The following MAML2 variants were observed in gnomAD, a reference collection of about 807,000 sequenced individuals.
MAML2 encodes mastermind like transcriptional coactivator 2, also known as mastermind-like protein 2.
In MAML2, 22 loss-of-function variants were observed where a neutral mutation model predicts 96.1. That is an observed-to-expected ratio of 0.23 (90% CI 0.16 to 0.33). The LOEUF (loss-of-function observed/expected upper bound fraction) is 0.33, where lower values mean the gene tolerates loss of function less well. Among genes scored for constraint, MAML2 ranks in the 10% least tolerant of loss-of-function variants. The pLI is 1.00. For synonymous variants in MAML2, 561 were observed against 521.3 expected, an observed-to-expected ratio of 1.08 and a Z score of -1.04; for missense variants, 1,367 against 1,392.4, an observed-to-expected ratio of 0.98 and a Z score of 0.29.
Position 96,091,947 on chromosome 11 carries a change from A to G in MAML2, c.2084T>C (p.Met695Thr). 1 of 1,612,640 alleles carries G rather than the reference A, an allele frequency of 6.2e-7. No individual in the cohort carries two copies. The highest frequency in any genetic ancestry group is 8.5e-7 in the Non-Finnish European group (1 of 1,179,410). The change falls in exon 2 of 5, where the codon ATG (methionine) becomes ACG (threonine). Residue 695 changes from methionine to threonine, a missense_variant. Met to Thr is a moderately conservative substitution (Grantham distance 81). Transcript: ENST00000524717. Reference protein sequence around the residue: ...PLQQKLLLQQMQNQPIAGMGY... With the variant: ...PLQQKLLLQQTQNQPIAGMGY... ...CATTCCTGCAATGGGCTGATTCTGC[A>G]TTTGCTGAAGTAGGAGCTTTTGCTG...
chr11:96,092,660 C>CTGG lies in MAML2; in HGVS notation c.1368_1370dup (p.His456dup), dbSNP rs762665099. Reference sequence around the variant, plus strand: ...AGGGCAAGGCTGACCAGTTGGTAGGCTGGTGCTGCTGCTGGTGCTGCTGCA... The same window carrying CTGG: ...AGGGCAAGGCTGACCAGTTGGTAGGCTGGTGGTGCTGCTGCTGGTGCTGCTGCA... On this transcript the variant is annotated inframe_insertion, in exon 2 of 5. Transcript: ENST00000524717. The surrounding 1 kb of genome is among the most constrained non-coding windows in gnomAD (Gnocchi z 4.1). The CTGG allele has an allele frequency of 1.9e-6, 3 of 1,613,160 alleles. No homozygotes were observed. The East Asian group carries it at 6.7e-5, about 36-fold the overall frequency.
chr11:96,313,531 A>G (rs534862801), intron 1 of MAML2, among the ~76,000 whole-genome samples: 3 of 152,038 alleles, frequency 2.0e-5, no homozygotes, highest in African/African-American at 7.2e-5. Context: ...AGCCTCCCCA[A>G]AATTGCCCCA....
chr11:96,014,546 C>T (rs1858314129), intron 2 of MAML2, among the ~76,000 whole-genome samples: 1 of 152,352 alleles, frequency 6.6e-6, no homozygotes, highest in Non-Finnish European at 1.5e-5. Flanking sequence ...TCTCAAACTA[C>T]ATTCTTACAA....
At chr11:96,135,346 A>G (rs576463016) in intron 1 of MAML2, among the ~76,000 whole-genome samples, 1 of 152,300 alleles carries the variant, frequency 6.6e-6, no homozygotes, top group East Asian at 1.9e-4. Flanking sequence ...ACCCAGTCTC[A>G]GGTATTCTGT....
chr11:96,267,834 T>G (rs1862852015), intron 1 of MAML2, among the ~76,000 whole-genome samples: 1 of 152,224 alleles, frequency 6.6e-6, no homozygotes, highest in South Asian at 2.1e-4. Context: ...GGAAGCTGAA[T>G]CTGAATCTGG....
chr11:96,158,642 C>T (rs551301455), intron 1 of MAML2, among the ~76,000 whole-genome samples: 13 of 152,286 alleles, frequency 8.5e-5, no homozygotes, highest in Admixed American at 6.5e-4. Flanking sequence ...GAGCTGTCAC[C>T]AGGTTCTAGA....
rs527334543 is a variant in MAML2, at chr11:96,112,089, T to C, written c.514-18572A>G. Among the ~76,000 whole-genome samples the C allele has an allele frequency of 4.6e-5, 7 of 152,256 alleles. No homozygotes were observed. In the South Asian group the frequency reaches 6.2e-4, roughly 14 times the overall value. On this transcript the variant is annotated intron_variant, in intron 1 of 4. Coordinates refer to ENST00000524717, the MANE Select transcript of MAML2 (RefSeq NM_032427.4). The stretch of plus-strand genomic sequence containing the variant: ...AGAGAGAAACATCAGTATATCAAGA[T>C]TGTCAAAGATTAAATGGTGAAAATA...
intron 1 of MAML2, among the ~76,000 whole-genome samples, chr11:96,213,997 G>T (rs539554713): frequency 2.2e-4 from 34 of 152,232 alleles, no homozygotes; most frequent in Non-Finnish European, 4.0e-4. Flanking sequence ...GGACACAAAT[G>T]CCCAACTACA....
At chr11:96,185,025 C>T (rs1018715404) in intron 1 of MAML2, among the ~76,000 whole-genome samples, 3 of 152,224 alleles carry the variant, frequency 2.0e-5, no homozygotes, top group African/African-American at 4.8e-5. Flanking sequence ...GTTCCTTCCT[C>T]ATACTGTTTA....
chr11:96,070,247 G>A (rs1473869531), intron 2 of MAML2, among the ~76,000 whole-genome samples: 5 of 152,126 alleles, frequency 3.3e-5, no homozygotes, highest in East Asian at 3.9e-4. Flanking sequence ...CTGAGATGGC[G>A]CCACTGCACT....
At chr11:96,031,979 C>G (rs1336149432) in intron 2 of MAML2, among the ~76,000 whole-genome samples, 1 of 151,880 alleles carries the variant, frequency 6.6e-6, no homozygotes, top group Admixed American at 6.6e-5. Context: ...GAGCGAGACT[C>G]TGTCTAAAAA....
intron 2 of MAML2, among the ~76,000 whole-genome samples, chr11:96,035,281 C>T (rs627313): frequency 0.48 from 73,101 of 151,974 alleles, 18,368 homozygotes; most frequent in African/African-American, 0.63. Flanking sequence ...GAAAGCTATG[C>T]GAAGCCAACC....
At chr11:96,074,211 G>T (rs80066138) in intron 2 of MAML2, among the ~76,000 whole-genome samples, 1 of 152,190 alleles carries the variant, frequency 6.6e-6, no homozygotes, top group African/African-American at 2.4e-5. Context: ...GGGAAACTGA[G>T]GCAGAGTGGC....
At chr11:96,247,751 C>G (rs1027328882) in intron 1 of MAML2, among the ~76,000 whole-genome samples, 1 of 152,066 alleles carries the variant, frequency 6.6e-6, no homozygotes, top group Non-Finnish European at 1.5e-5. Flanking sequence ...TACTTCACAC[C>G]TTTTCCTCTC....
intron 1 of MAML2, among the ~76,000 whole-genome samples, chr11:96,210,387 G>A (rs772448005): frequency 2.0e-4 from 30 of 152,298 alleles, no homozygotes; most frequent in South Asian, 2.1e-4. Context: ...GGGATTACAG[G>A]CATGAGCCAC....
At chr11:96,101,202 T>C (rs1859923730) in intron 1 of MAML2, among the ~76,000 whole-genome samples, 1 of 152,200 alleles carries the variant, frequency 6.6e-6, no homozygotes, top group Non-Finnish European at 1.5e-5. Flanking sequence ...ATTTGATGCC[T>C]TCCCCACCTC....
chr11:96,132,943 C>T (rs1860569557), intron 1 of MAML2, among the ~76,000 whole-genome samples: 1 of 152,088 alleles, frequency 6.6e-6, no homozygotes, highest in South Asian at 2.1e-4. Context: ...GATGACCATG[C>T]CCAACATACT....
intron 2 of MAML2, among the ~76,000 whole-genome samples, chr11:96,077,004 T>C (rs1859450666): frequency 6.6e-6 from 1 of 152,014 alleles, no homozygotes; most frequent in Non-Finnish European, 1.5e-5. Context: ...CAAAATTGAA[T>C]GAAATACAAG....
At chr11:96,181,352 C>T (rs1041865758) in intron 1 of MAML2, among the ~76,000 whole-genome samples, 1 of 152,192 alleles carries the variant, frequency 6.6e-6, no homozygotes, top group African/African-American at 2.4e-5. Flanking sequence ...CTTATCTCTG[C>T]AATGCTTCAT....
Sources: allele counts gnomAD v4.1 joint callset (sites outside exome capture counted in the v4.1 genomes callset), GRCh38; gene constraint gnomAD v4.1.1; non-coding constraint Gnocchi (gnomAD v3.1); transcripts MANE v1.5; gene names NCBI Gene and HGNC (gene_info 2026-07-23, HGNC 2026-07-21).